The following UBLCP1 variants were observed in gnomAD, a reference collection of about 807,000 sequenced individuals.
UBLCP1 encodes the protein ubiquitin-like domain-containing CTD phosphatase 1.
A neutral mutation model predicts 42.4 loss-of-function variants in UBLCP1; 28 were observed. The ratio of observed to expected loss-of-function variants is 0.66; its 90% CI spans 0.49 to 0.90. The LOEUF (loss-of-function observed/expected upper bound fraction) is 0.90. Ranked by LOEUF, UBLCP1 falls within the 40% of genes least tolerant of loss-of-function variation. The probability of loss-of-function intolerance (pLI) is 0.00; values close to 1 mark genes in which losing one functional copy is unlikely to be tolerated. For synonymous variants in UBLCP1, 122 were observed against 120.8 expected (o/e 1.01, Z -0.07); for missense variants, 279 against 374.5 (o/e 0.75, Z 2.10).
intron 9 of UBLCP1, among the ~76,000 whole-genome samples, chr5:159,282,653 AC>A (rs1387679820): frequency 5.9e-5 from 9 of 152,000 alleles, no homozygotes; most frequent in African/African-American, 2.2e-4. Context: ...TTTATGGAAA[AC>A]TCTTGCATAA....
chr5:159,271,000 AT>A lies in UBLCP1; in HGVS notation c.448+364del, dbSNP rs1753459241. The stretch of plus-strand genomic sequence containing the variant: ...TGTGTGTGTGTATATATATTTTTTT[AT>A]TTTTTTGGCCAGAAAGTATTCTAGT... On this transcript the variant is annotated intron_variant, in intron 5 of 10. Coordinates refer to ENST00000296786, the MANE Select transcript of UBLCP1 (RefSeq NM_145049.5). 2.6e-5 allele frequency among the ~76,000 whole-genome samples: 4 copies of A among 151,268 alleles called. No homozygotes were observed. In the South Asian group the frequency reaches 8.3e-4, roughly 31 times the overall value.
At chr5:159,278,129 G>T (rs1753560599) in intron 8 of UBLCP1, 109 bp from the exon 9 acceptor site, 2 of 706,142 alleles carry the variant, frequency 2.8e-6, no homozygotes, top group East Asian at 2.6e-5. Flanking sequence ...CTTACAGGGG[G>T]AAAGGAACAC....
chr5:159,266,365 A>T (rs1038598092), intron 1 of UBLCP1, among the ~76,000 whole-genome samples: 1 of 152,210 alleles, frequency 6.6e-6, no homozygotes, highest in African/African-American at 2.4e-5. Context: ...CTTCAGAAAG[A>T]TGATTTAGGG....
intron 8 of UBLCP1, among the ~76,000 whole-genome samples, chr5:159,276,872 G>T (rs2113318482): frequency 6.6e-6 from 1 of 152,146 alleles, no homozygotes; most frequent in Admixed American, 6.5e-5. Flanking sequence ...TGTTGCCCTT[G>T]GTACTGACTA....
chr5:159,276,951 ATTAC>A (rs1321969446), intron 8 of UBLCP1, among the ~76,000 whole-genome samples: 1 of 152,136 alleles, frequency 6.6e-6, no homozygotes, highest in Non-Finnish European at 1.5e-5. Context: ...AGTTAGCAAT[ATTAC>A]TTTTCTAATT....
intron 7 of UBLCP1, 46 bp downstream of exon 7, chr5:159,274,668 TTTGTC>T (rs1177317286): frequency 6.5e-7 from 1 of 1,545,140 alleles, no homozygotes; most frequent in Non-Finnish European, 8.9e-7. Context: ...TCAAACTGCA[TTTGTC>T]TTGTTAAAAG....
At position 159,285,244 on chromosome 5, in the gene UBLCP1, A is replaced by ACAC. The variant is rs1491169745; in HGVS notation, c.*313_*314insCAC. ...CACACACACACACACACACACACAC[A>ACAC]AAGTGGAGAAAAATGTATACTCAAC... On this transcript the variant is annotated 3_prime_UTR_variant, in exon 11 of 11. Transcript: ENST00000296786. 2,094 of 137,538 alleles carry ACAC rather than the reference A, an allele frequency of 0.015. 111 individuals carry two copies. The highest frequency in any genetic ancestry group is 0.024 in the South Asian group (164 of 6,952). 8.5% of individuals were successfully genotyped at this position (137,538 alleles called of 1,614,324 possible). A position where few individuals can be genotyped will look rare whatever the true frequency, so the allele number is the denominator to read the frequency against.
At position 159,285,918 on chromosome 5, in the gene UBLCP1, A is replaced by G. The variant is rs192260484; in HGVS notation, c.*987A>G. On this transcript the variant is annotated 3_prime_UTR_variant, in exon 11 of 11. Transcript: ENST00000296786. ...ATGTGACCACTGTTTTGTGTTGACA[A>G]TATTGCTTTATACAGTTCTTGTATT... 560 of 152,886 alleles carry G rather than the reference A, an allele frequency of 3.7e-3. 9 individuals carry two copies. Among genetic ancestry groups the G allele is most frequent in the East Asian group, 0.023 (120 of 5,326 alleles). The allele number at this position is 152,886 out of a possible 1,614,324, so 9.5% of individuals were successfully genotyped here.
intron 8 of UBLCP1, among the ~76,000 whole-genome samples, chr5:159,277,029 C>T (rs1753547899): frequency 6.6e-6 from 1 of 151,964 alleles, no homozygotes; most frequent in African/African-American, 2.4e-5. Flanking sequence ...AATGACAGCA[C>T]TTTTTAAGAG....
chr5:159,270,265 A>G, intron 3 of UBLCP1, 95 bp from the exon 4 acceptor site: 1 of 1,065,520 alleles, frequency 9.4e-7, no homozygotes, highest in Non-Finnish European at 1.4e-6. Flanking sequence ...AGACTCTGGA[A>G]CTCAAATTGT....
intron 9 of UBLCP1, among the ~76,000 whole-genome samples, chr5:159,278,814 G>A (rs1042931705): frequency 4.6e-5 from 7 of 151,966 alleles, no homozygotes; most frequent in South Asian, 4.1e-4. Flanking sequence ...CTCGTGATCT[G>A]CCCACCTCGA....
chr5:159,275,475 C>T (rs996208074), intron 8 of UBLCP1: 5 of 272,336 alleles, frequency 1.8e-5, no homozygotes, highest in African/African-American at 8.6e-5. Context: ...TGCAGTGGTG[C>T]AATCTCGCTC....
At chr5:159,267,727 T>G (rs1314637681) in intron 1 of UBLCP1, among the ~76,000 whole-genome samples, 1 of 152,210 alleles carries the variant, frequency 6.6e-6, no homozygotes, top group Non-Finnish European at 1.5e-5. Flanking sequence ...TCCCATGCTA[T>G]TCTCATGACA....
At position 159,269,057 on chromosome 5, in the gene UBLCP1, C is replaced by T. The variant is rs772124783; in HGVS notation, c.142C>T (p.Leu48Phe). The T allele has an allele frequency of 2.5e-6, 4 of 1,583,000 alleles. No homozygotes were observed. The East Asian group carries it at 9.3e-5, about 37-fold the overall frequency. Reference sequence around the variant, plus strand: ...TCCAGAACGCCAAAAGTTACTTGGACTCAAAGTTAAAGGTAATTCTCTCCC... The same window carrying T: ...TCCAGAACGCCAAAAGTTACTTGGATTCAAAGTTAAAGGTAATTCTCTCCC... Reference protein sequence around the residue: ...VLPERQKLLGLKVKGKPAEND... With the variant: ...VLPERQKLLGFKVKGKPAEND... Residue 48 changes from leucine (L) to phenylalanine (F), a missense_variant, in exon 2 of 11, where the codon CTC becomes TTC. Leu to Phe is a conservative substitution (Grantham distance 22). Coordinates refer to ENST00000296786, the MANE Select transcript of UBLCP1 (RefSeq NM_145049.5).
At chr5:159,276,688 G>T (rs1262529898) in intron 8 of UBLCP1, among the ~76,000 whole-genome samples, 2 of 152,192 alleles carry the variant, frequency 1.3e-5, no homozygotes, top group Non-Finnish European at 2.9e-5. Context: ...AAATTTTCAT[G>T]ACACATTTAA....
chr5:159,277,833 T>C (rs1246421784), intron 8 of UBLCP1, among the ~76,000 whole-genome samples: 1 of 152,010 alleles, frequency 6.6e-6, no homozygotes, highest in Non-Finnish European at 1.5e-5. Context: ...TTGACTAGGG[T>C]GTTCTAGTTT....
intron 10 of UBLCP1, 75 bp downstream of exon 10, chr5:159,283,414 A>G (rs1753630943): frequency 8.3e-7 from 1 of 1,206,242 alleles, no homozygotes; most frequent in East Asian, 2.4e-5. Context: ...CAGTGACCCC[A>G]GTATATATAT....
chr5:159,270,122 C>T (rs1753446398), intron 3 of UBLCP1, 123 bp downstream of exon 3: 1 of 908,754 alleles, frequency 1.1e-6, no homozygotes, highest in Non-Finnish European at 1.6e-6. Flanking sequence ...AAAATAAAAC[C>T]CGCACCGTGA....
chr5:159,274,478 G>A, intron 6 of UBLCP1, 107 bp from the exon 7 acceptor site: 1 of 830,864 alleles, frequency 1.2e-6, no homozygotes, highest in Non-Finnish European at 1.9e-6. Context: ...TGTTAATTCT[G>A]ATGCATTTAA....
Sources: allele counts gnomAD v4.1 joint callset (sites outside exome capture counted in the v4.1 genomes callset), GRCh38; gene constraint gnomAD v4.1.1; transcripts MANE v1.5; gene names NCBI Gene and HGNC (gene_info 2026-07-23, HGNC 2026-07-21).